The following CDH13 variants were observed in gnomAD, a reference collection of about 807,000 sequenced individuals.
CDH13 encodes the protein cadherin 13.
Under a neutral mutation model 63.8 loss-of-function variants are expected in CDH13, and 24 were observed. That is an observed-to-expected ratio of 0.38 (90% CI 0.27 to 0.53). The LOEUF is 0.53. Among genes scored for constraint, CDH13 ranks in the 20% least tolerant of loss-of-function variants. The pLI, the probability that CDH13 is intolerant of heterozygous loss-of-function variation, is 0.85. For synonymous variants in CDH13, 503 were observed against 355.3 expected (o/e 1.42, Z -4.67); for missense variants, 1,049 against 903.1 (o/e 1.16, Z -2.07).
intron 1 of CDH13, among the ~76,000 whole-genome samples, chr16:82,785,631 T>C (rs2035967371): frequency 1.3e-5 from 2 of 152,192 alleles, no homozygotes; most frequent in African/African-American, 4.8e-5. Context: ...TATTCCATTC[T>C]AGAGATTTGA....
At chr16:83,172,979 G>A (rs536691051) in intron 4 of CDH13, among the ~76,000 whole-genome samples, 6 of 152,124 alleles carry the variant, frequency 3.9e-5, no homozygotes, top group South Asian at 2.1e-4. Context: ...TTAGTCTACC[G>A]TTAACGTGTC....
chr16:82,866,410 A>G (rs1344277669), intron 2 of CDH13, among the ~76,000 whole-genome samples: 11 of 46,328 alleles, frequency 2.4e-4, no homozygotes, highest in Admixed American at 7.7e-4. Context: ...TTTTTTTGAG[A>G]TGGAGTCTCA....
At chr16:83,313,688 A>G (rs2151887972) in intron 5 of CDH13, among the ~76,000 whole-genome samples, 2 of 151,700 alleles carry the variant, frequency 1.3e-5, no homozygotes, top group East Asian at 3.9e-4. Context: ...GGTATTACCA[A>G]TTTAAAATGT....
At chr16:83,558,491 G>A (rs925176345) in intron 7 of CDH13, among the ~76,000 whole-genome samples, 15 of 152,186 alleles carry the variant, frequency 9.9e-5, no homozygotes, top group Admixed American at 9.2e-4. Flanking sequence ...AATAATGTAT[G>A]TATAATGTAT....
intron 10 of CDH13, among the ~76,000 whole-genome samples, chr16:83,695,508 C>G (rs1905286111): frequency 6.6e-6 from 1 of 152,216 alleles, no homozygotes; most frequent in Non-Finnish European, 1.5e-5. Flanking sequence ...AAGCAGGTGC[C>G]CTTTCTGCAA....
intron 2 of CDH13, among the ~76,000 whole-genome samples, chr16:83,027,122 C>T (rs890030828): frequency 1.9e-4 from 28 of 148,176 alleles, no homozygotes; most frequent in African/African-American, 6.5e-4. Flanking sequence ...CCCACCGCCC[C>T]GCCTCCAATC....
intron 1 of CDH13, chr16:82,824,514 G>T (rs759464498): frequency 2.0e-5 from 3 of 152,138 alleles, no homozygotes; most frequent in African/African-American, 7.2e-5. Context: ...TATGACATTT[G>T]TATGTCCTGA....
intron 4 of CDH13, among the ~76,000 whole-genome samples, chr16:83,141,740 T>A (rs2036537925): frequency 6.6e-6 from 1 of 152,184 alleles, no homozygotes; most frequent in Admixed American, 6.5e-5. Flanking sequence ...ATTGTTCAGC[T>A]CCCACTTACA....
At chr16:83,605,442 C>T (rs182141707) in intron 8 of CDH13, among the ~76,000 whole-genome samples, 3 of 152,170 alleles carry the variant, frequency 2.0e-5, no homozygotes, top group East Asian at 1.9e-4. Context: ...AAGGAGGGGG[C>T]GCTGGAGCCG....
intron 7 of CDH13, among the ~76,000 whole-genome samples, chr16:83,519,747 G>A (rs1416981145): frequency 6.6e-6 from 1 of 152,146 alleles, no homozygotes; most frequent in African/African-American, 2.4e-5. Flanking sequence ...GGAAAGAAAG[G>A]TGCCTCAATA....
At chr16:83,171,738 G>C (rs959022525) in intron 4 of CDH13, among the ~76,000 whole-genome samples, 1 of 152,082 alleles carries the variant, frequency 6.6e-6, no homozygotes, top group Non-Finnish European at 1.5e-5. Context: ...CTGAGGCATG[G>C]AGTCCCAAGC....
chr16:83,271,051 C>T (rs1019625906), intron 5 of CDH13, among the ~76,000 whole-genome samples: 2 of 151,760 alleles, frequency 1.3e-5, no homozygotes, highest in East Asian at 2.0e-4. Context: ...TGAACACCAC[C>T]AGCTCCCTGC....
At chr16:82,925,597 G>A (rs554964945) in intron 2 of CDH13, among the ~76,000 whole-genome samples, 1 of 152,296 alleles carries the variant, frequency 6.6e-6, no homozygotes, top group South Asian at 2.1e-4. Context: ...TCAGGGGAAG[G>A]TTTTTAGGAA....
chr16:83,313,895 A>G (rs1258639178), intron 5 of CDH13, among the ~76,000 whole-genome samples: 1 of 152,192 alleles, frequency 6.6e-6, no homozygotes, highest in Non-Finnish European at 1.5e-5. Context: ...TACCCATATT[A>G]CATTGCTAAG....
chr16:83,260,036 C>G (rs915195052), intron 5 of CDH13, among the ~76,000 whole-genome samples: 5 of 146,362 alleles, frequency 3.4e-5, no homozygotes, highest in Non-Finnish European at 7.5e-5. Context: ...GACTTTCAAA[C>G]TTTTTGGCAG....
chr16:83,466,724 C>T (rs2073326343), intron 6 of CDH13, among the ~76,000 whole-genome samples: 1 of 152,220 alleles, frequency 6.6e-6, no homozygotes, highest in African/African-American at 2.4e-5. Context: ...TTGGAACACA[C>T]ATTCAGGTGC....
At chr16:83,180,388 G>C (rs1274753980) in intron 4 of CDH13, among the ~76,000 whole-genome samples, 1 of 151,870 alleles carries the variant, frequency 6.6e-6, no homozygotes, top group Non-Finnish European at 1.5e-5. Context: ...AAACTTCCTA[G>C]GAACTATCCT....
intron 4 of CDH13, among the ~76,000 whole-genome samples, chr16:83,169,510 T>A (rs1429522899): frequency 6.6e-6 from 1 of 151,832 alleles, no homozygotes; most frequent in African/African-American, 2.4e-5. Context: ...TTGATGAAAA[T>A]GATAAGGTAC....
intron 6 of CDH13, among the ~76,000 whole-genome samples, chr16:83,480,318 A>G (rs564985329): frequency 5.7e-4 from 87 of 152,352 alleles, no homozygotes; most frequent in African/African-American, 1.8e-3. Context: ...CCTGTCTCAA[A>G]CAACAACAAT....
Sources: gnomAD v4.1 joint callset for allele counts (sites outside exome capture counted in the v4.1 genomes callset) on GRCh38, gnomAD v4.1.1 for gene constraint, MANE v1.5 for transcripts, NCBI Gene and HGNC (gene_info 2026-07-23, HGNC 2026-07-21) for gene names.